NR4A3: variants seen among roughly 807,000 people sequenced by gnomAD.
NR4A3 encodes the protein chondrosarcoma, extraskeletal myxoid, fused to EWS.
In NR4A3, 13 loss-of-function variants were observed where a neutral mutation model predicts 55.6. The observed-to-expected ratio is 0.23, with a 90% CI of 0.15 to 0.37. The LOEUF is 0.37. Among genes scored for constraint, NR4A3 ranks in the 10% least tolerant of loss-of-function variants. The pLI, the probability that NR4A3 is intolerant of heterozygous loss-of-function variation, is 1.00. For synonymous variants in NR4A3, 342 were observed against 357.9 expected, an observed-to-expected ratio of 0.96 and a Z score of 0.50; for missense variants, 646 against 822.8, an observed-to-expected ratio of 0.79 and a Z score of 2.63.
chr9:99,855,095 G>A (rs1452636374), intron 7 of NR4A3, among the ~76,000 whole-genome samples: 1 of 150,364 alleles, frequency 6.7e-6, no homozygotes, highest in Non-Finnish European at 1.5e-5. Context: ...TGAAGCAATT[G>A]TGAATGGGAG....
intron 5 of NR4A3, among the ~76,000 whole-genome samples, chr9:99,838,870 A>G (rs906137826): frequency 2.0e-5 from 3 of 152,256 alleles, no homozygotes; most frequent in Non-Finnish European, 4.4e-5. Flanking sequence ...GATATAGTTT[A>G]TAATAACAAC....
intron 7 of NR4A3, among the ~76,000 whole-genome samples, chr9:99,850,122 G>A (rs528232699): frequency 1.3e-5 from 2 of 152,162 alleles, no homozygotes; most frequent in Non-Finnish European, 2.9e-5. Flanking sequence ...GTCAGGGTGG[G>A]GCGGGACATA....
Position 99,828,718 on chromosome 9 carries a change from G to A in NR4A3, c.676G>A (p.Gly226Arg). 1 of 1,304,174 alleles carries A rather than the reference G, an allele frequency of 7.7e-7. No homozygotes were observed. The highest frequency in any genetic ancestry group is 2.8e-4 in the Middle Eastern group (1 of 3,512). The allele number at this position is 1,304,174 out of a possible 1,614,324, so 80.8% of individuals were successfully genotyped here. ...TAAAALSLPLGAAAAAGSQAA... is the reference protein window; with the variant it reads ...TAAAALSLPLRAAAAAGSQAA... ...CGCTGCCGCGCTCAGCCTGCCGCTG[G>A]GAGCCGCAGCCGCCGCGGGCAGCCA... The change falls in exon 3 of 8, where the codon GGA (glycine) becomes AGA (arginine). Residue 226 changes from glycine to arginine, a missense_variant. This residue lies in a region of NR4A3 where 426 missense variants were observed against 429.4 expected (regional missense o/e 0.99). Transcript: ENST00000395097. The surrounding 1 kb of genome is among the most constrained non-coding windows in gnomAD (Gnocchi z 7.7).
At chr9:99,844,870 T>G in intron 6 of NR4A3, 22 bp downstream of exon 6, 1 of 1,569,700 alleles carries the variant, frequency 6.4e-7, no homozygotes, top group Non-Finnish European at 8.8e-7. Context: ...TATTTTATCT[T>G]CAGTCTACGT....
intron 2 of NR4A3, chr9:99,826,613 A>C (rs1306967048): frequency 3.2e-6 from 2 of 633,842 alleles, no homozygotes; most frequent in Non-Finnish European, 5.7e-6. Context: ...ATTTCATCCC[A>C]ACAACTGGAC....
chr9:99,852,701 T>A (rs1409329501), intron 7 of NR4A3, among the ~76,000 whole-genome samples: 2 of 152,174 alleles, frequency 1.3e-5, no homozygotes, highest in East Asian at 1.9e-4. Context: ...TCCTTTCTCG[T>A]CTGACTCTAG....
intron 5 of NR4A3, chr9:99,834,064 T>C: frequency 9.6e-7 from 1 of 1,042,218 alleles, no homozygotes; most frequent in Admixed American, 5.2e-5. Flanking sequence ...CTCAGAGGGG[T>C]GTTCTGAACA....
chr9:99,824,490 G>A (rs916892514), intron 1 of NR4A3, among the ~76,000 whole-genome samples: 23 of 152,242 alleles, frequency 1.5e-4, no homozygotes, highest in Non-Finnish European at 2.8e-4. Flanking sequence ...CAAGCTTTCC[G>A]TCCGAGCAGC....
Position 99,865,669 on chromosome 9 carries a change from G to T in NR4A3, c.*1802G>T. On this transcript the variant is annotated 3_prime_UTR_variant, in exon 8 of 8. Coordinates refer to ENST00000395097, the MANE Select transcript of NR4A3 (RefSeq NM_006981.4). The surrounding 1 kb of genome is among the most constrained non-coding windows in gnomAD (Gnocchi z 4.3). ...TTTTAAAGGAAAATAACAAAACTAT[G>T]CTGTTTATATTGTCATTAAATTATA... The T allele has an allele frequency of 5.1e-6, 1 of 195,974 alleles. No individual in the cohort carries two copies. 12.1% of individuals were successfully genotyped at this position (195,974 alleles called of 1,614,324 possible).
In NR4A3 at chr9:99,862,217, C is replaced by T. The variant is rs906223635; in HGVS notation, c.1634-1403C>T. ...TAAATGTACTGAGAGAAGAAAATTT[C>T]GAGATAACAGAGGCCAAGCTCTTCC... On this transcript the variant is annotated intron_variant, in intron 7 of 7. Transcript: ENST00000395097. Among the ~76,000 whole-genome samples the T allele has an allele frequency of 7.2e-5, 11 of 151,940 alleles. No homozygotes were observed. The South Asian group carries it at 1.5e-3, about 20-fold the overall frequency.
In NR4A3 at chr9:99,838,536, A is replaced by G. The variant is rs548784200; in HGVS notation, c.1254+5082A>G. On this transcript the variant is annotated intron_variant, in intron 5 of 7. Coordinates refer to ENST00000395097, the MANE Select transcript of NR4A3 (RefSeq NM_006981.4). ...GCCAGTTCCTGCCCCTCTGTGGGCC[A>G]GTTTCCTGATCCAAATGGTAAAGAG... Among the ~76,000 whole-genome samples the G allele has an allele frequency of 6.0e-4, 92 of 152,376 alleles. 1 individual carries two copies. The highest frequency in any genetic ancestry group is 2.1e-3 in the African/African-American group (89 of 41,592).
chr9:99,845,988 C>G (rs1235858076), intron 6 of NR4A3, among the ~76,000 whole-genome samples: 4 of 152,182 alleles, frequency 2.6e-5, no homozygotes, highest in Non-Finnish European at 5.9e-5. Context: ...ATTAAGTAGA[C>G]TGTAAGCTCC....
intron 7 of NR4A3, among the ~76,000 whole-genome samples, chr9:99,859,366 ACT>A (rs1400533986): frequency 6.6e-6 from 1 of 152,224 alleles, no homozygotes; most frequent in Non-Finnish European, 1.5e-5. Context: ...ATTTCAAATT[ACT>A]AGGGAAGGAC....
At chr9:99,833,605 C>A (rs1404808346) in intron 5 of NR4A3, 151 bp downstream of exon 5, 1 of 1,600,068 alleles carries the variant, frequency 6.2e-7, no homozygotes, top group Non-Finnish European at 8.5e-7. Flanking sequence ...TTTAGCAATT[C>A]AGTGCATCCA....
intron 5 of NR4A3, chr9:99,834,922 GAAT>G (rs1827529267): frequency 1.0e-6 from 1 of 984,938 alleles, no homozygotes; most frequent in African/African-American, 1.7e-5. Context: ...GAATAAAGCA[GAAT>G]AATAAGACTA....
intron 3 of NR4A3, among the ~76,000 whole-genome samples, chr9:99,831,322 G>A (rs982990693): frequency 6.6e-6 from 1 of 152,176 alleles, no homozygotes; most frequent in Non-Finnish European, 1.5e-5. Flanking sequence ...CTTACAGACT[G>A]CTAAGAATTT....
rs776561468 is a variant in NR4A3 at position 99,833,356 on chromosome 9, C to G, written c.1156C>G (p.Pro386Ala). ...SKPKSPLQQE[P>A]SQPSPPSPPI... ...ACCAAAGAGCCCATTACAACAGGAA[C>G]CTTCTCAGCCCTCTCCACCTTCTCC... Residue 386 changes from proline (P) to alanine (A), a missense_variant, in exon 5 of 8, where the codon CCT (proline) becomes GCT (alanine). Pro to Ala is a conservative substitution (Grantham distance 27). Around this residue, in one of 5 missense-constraint regions of NR4A3, gnomAD observed 44 missense variants for 119.3 expected, o/e 0.37. Coordinates refer to ENST00000395097, the MANE Select transcript of NR4A3 (RefSeq NM_006981.4). 2 of 1,613,968 alleles carry G rather than the reference C, an allele frequency of 1.2e-6. No homozygotes were observed. Among genetic ancestry groups the G allele is most frequent in the East Asian group, 4.5e-5 (2 of 44,892 alleles).
intron 7 of NR4A3, among the ~76,000 whole-genome samples, chr9:99,860,714 T>C (rs930898229): frequency 6.6e-6 from 1 of 152,222 alleles, no homozygotes; most frequent in Non-Finnish European, 1.5e-5. Context: ...AGCTAATAGT[T>C]TCTCAGGGAA....
At position 99,828,149 on chromosome 9, in the gene NR4A3, C is replaced by A. The variant is rs922329591; in HGVS notation, c.107C>A (p.Thr36Asn). 6.2e-7 allele frequency: 1 copy of A among 1,614,148 alleles called. No individual in the cohort carries two copies. The highest frequency in any genetic ancestry group is 1.3e-5 in the African/African-American group (1 of 75,028). Residue 36 changes from threonine to asparagine, a missense_variant, in exon 3 of 8, where the codon ACC (threonine) becomes AAC (asparagine). By Grantham distance (65) the Thr-to-Asn change is moderately conservative (BLOSUM62 0). This residue lies in a region of NR4A3 where 426 missense variants were observed against 429.4 expected (regional missense o/e 0.99). Transcript: ENST00000395097. The surrounding 1 kb of genome is among the most constrained non-coding windows in gnomAD (Gnocchi z 7.7). ...ACGGAGATCATGAACCCCGACTACACCAAGCTGACCATGGACCTTGGCAGC... is the reference window on the plus strand; with the variant it reads ...ACGGAGATCATGAACCCCGACTACAACAAGCTGACCATGGACCTTGGCAGC... ...YTTEIMNPDY[T>N]KLTMDLGSTE...
Sources: allele counts gnomAD v4.1 joint callset (sites outside exome capture counted in the v4.1 genomes callset), GRCh38; gene constraint gnomAD v4.1.1; regional missense constraint gnomAD v4.1.1; non-coding constraint Gnocchi (gnomAD v3.1); transcripts MANE v1.5; gene names NCBI Gene and HGNC (gene_info 2026-07-23, HGNC 2026-07-21).